STXBP5L: variants seen among roughly 807,000 people sequenced by gnomAD.
The protein encoded by STXBP5L is syntaxin-binding protein 5-like.
Under a neutral mutation model 144.5 loss-of-function variants are expected in STXBP5L, and 65 were observed. The ratio of observed to expected loss-of-function variants is 0.45; its 90% CI spans 0.37 to 0.55. The LOEUF (loss-of-function observed/expected upper bound fraction) is 0.55, where lower values mean the gene tolerates loss of function less well. Ranked by LOEUF, STXBP5L falls within the 20% of genes least tolerant of loss-of-function variation. STXBP5L has a pLI of 0.00. For synonymous variants in STXBP5L, 505 were observed against 469.6 expected, an observed-to-expected ratio of 1.08 and a Z score of -0.97; for missense variants, 1,298 against 1,405.5, an observed-to-expected ratio of 0.92 and a Z score of 1.22.
At chr3:121,057,218 G>A (rs150022831) in intron 5 of STXBP5L, among the ~76,000 whole-genome samples, 50 of 151,858 alleles carry the variant, frequency 3.3e-4, no homozygotes, top group East Asian at 1.7e-3. Flanking sequence ...TTTTGTATGC[G>A]TCAAAAAACA....
At chr3:121,373,461 G>A (rs1481721947) in intron 20 of STXBP5L, among the ~76,000 whole-genome samples, 1 of 152,160 alleles carries the variant, frequency 6.6e-6, no homozygotes, top group African/African-American at 2.4e-5. Flanking sequence ...CATTTTGAGA[G>A]CAGAGTAAAC....
chr3:121,289,918 G>A (rs907786191), intron 19 of STXBP5L, among the ~76,000 whole-genome samples: 1 of 152,120 alleles, frequency 6.6e-6, no homozygotes, highest in African/African-American at 2.4e-5. Context: ...GCAGTGCTAA[G>A]AGGAGAGTTC....
intron 3 of STXBP5L, among the ~76,000 whole-genome samples, chr3:120,983,307 G>A (rs1179579486): frequency 2.6e-5 from 4 of 152,052 alleles, no homozygotes; most frequent in Admixed American, 1.3e-4. Context: ...TATGTATATC[G>A]GGGCAGGCGT....
intron 3 of STXBP5L, among the ~76,000 whole-genome samples, chr3:120,961,325 G>A (rs189661162): frequency 2.7e-5 from 4 of 150,122 alleles, no homozygotes; most frequent in Admixed American, 2.7e-4. Flanking sequence ...TGCACAACGT[G>A]CAGGTTTGAT....
At chr3:120,926,355 TC>T in intron 2 of STXBP5L, among the ~76,000 whole-genome samples, 1 of 43,732 alleles carries the variant, frequency 2.3e-5, no homozygotes, top group Middle Eastern at 6.9e-3. Context: ...GGATGGCAGT[TC>T]TTTTTTTTTT....
At chr3:121,408,727 TTAGGACA>T (rs1321919802) in intron 23 of STXBP5L, among the ~76,000 whole-genome samples, 1 of 151,940 alleles carries the variant, frequency 6.6e-6, no homozygotes, top group Non-Finnish European at 1.5e-5. Context: ...TAGCCATGTG[TTAGGACA>T]TACACAGGGA....
At chr3:121,409,220 T>C (rs1167441688) in intron 23 of STXBP5L, among the ~76,000 whole-genome samples, 1 of 151,722 alleles carries the variant, frequency 6.6e-6, no homozygotes, top group African/African-American at 2.4e-5. Flanking sequence ...AACTTGGGGG[T>C]ATTCTACGTT....
In STXBP5L at chr3:121,257,324, C is replaced by T. The variant is rs1442432590; in HGVS notation, c.1823C>T (p.Pro608Leu). The change falls in exon 17 of 27, where the codon CCA becomes CTA. Residue 608 changes from proline (P) to leucine (L), a missense_variant. Physicochemically the swap from Pro to Leu is moderately conservative, Grantham distance 98. Coordinates refer to ENST00000471454, the MANE Select transcript of STXBP5L (RefSeq NM_001308330.2). ...ASEGVTKDSI[P>L]CLNVKTRPVR... ...GAAGGAGTAACAAAGGACAGTATTC[C>T]ATGCCTCAAGTAAGAGTTTCTACCA... 2 of 1,607,010 alleles carry T rather than the reference C, an allele frequency of 1.2e-6. No individual in the cohort carries two copies. The highest frequency in any genetic ancestry group is 8.5e-7 in the Non-Finnish European group (1 of 1,176,408).
intron 20 of STXBP5L, among the ~76,000 whole-genome samples, chr3:121,346,784 C>A (rs1171662988): frequency 6.6e-6 from 1 of 152,146 alleles, no homozygotes; most frequent in East Asian, 1.9e-4. Flanking sequence ...CCTTTGCCCA[C>A]TTTTTGATGG....
At chr3:120,980,333 T>C (rs1357899686) in intron 3 of STXBP5L, among the ~76,000 whole-genome samples, 2 of 152,216 alleles carry the variant, frequency 1.3e-5, no homozygotes, top group African/African-American at 2.4e-5. Flanking sequence ...AATCCCCCAC[T>C]ATTATTGTTT....
At chr3:121,311,621 A>G (rs2043532410) in intron 19 of STXBP5L, among the ~76,000 whole-genome samples, 1 of 152,218 alleles carries the variant, frequency 6.6e-6, no homozygotes, top group South Asian at 2.1e-4. Context: ...AATACTTAGG[A>G]ATCCAACTTA....
intron 20 of STXBP5L, among the ~76,000 whole-genome samples, chr3:121,320,416 C>T (rs571193749): frequency 1.1e-4 from 17 of 151,796 alleles, no homozygotes; most frequent in South Asian, 8.3e-4. Context: ...GGATTATCTA[C>T]GTATCTAAGT....
At chr3:121,321,649 C>T (rs1187838823) in intron 20 of STXBP5L, among the ~76,000 whole-genome samples, 1 of 152,192 alleles carries the variant, frequency 6.6e-6, no homozygotes, top group African/African-American at 2.4e-5. Context: ...TTGAGAATCA[C>T]TGCCCTATGA....
intron 3 of STXBP5L, among the ~76,000 whole-genome samples, chr3:120,984,820 C>T (rs1280500474): frequency 2.0e-5 from 3 of 151,560 alleles, no homozygotes; most frequent in African/African-American, 7.3e-5. Context: ...TAGCCTTTAT[C>T]GTGTTGAGTT....
chr3:121,389,119 G>A (rs1292257565), intron 22 of STXBP5L, among the ~76,000 whole-genome samples: 7 of 152,286 alleles, frequency 4.6e-5, no homozygotes, highest in African/African-American at 1.4e-4. Context: ...TTAGTCTTGG[G>A]AGGGTGTATG....
At chr3:121,330,776 C>T (rs982268252) in intron 20 of STXBP5L, among the ~76,000 whole-genome samples, 1 of 152,176 alleles carries the variant, frequency 6.6e-6, no homozygotes, top group East Asian at 1.9e-4. Context: ...ACCAACATTG[C>T]CTGCATCACC....
intron 22 of STXBP5L, among the ~76,000 whole-genome samples, chr3:121,390,377 G>T (rs1171013960): frequency 6.6e-6 from 1 of 152,078 alleles, no homozygotes; most frequent in Non-Finnish European, 1.5e-5. Flanking sequence ...GGGGCATTTA[G>T]CTCATTTACA....
At chr3:121,005,348 T>G (rs1944193418) in intron 3 of STXBP5L, among the ~76,000 whole-genome samples, 1 of 152,238 alleles carries the variant, frequency 6.6e-6, no homozygotes, top group Admixed American at 6.5e-5. Context: ...TAGTGGTGTT[T>G]ATAGTATTCT....
chr3:120,990,623 AAAAC>A (rs1218204228), intron 3 of STXBP5L, among the ~76,000 whole-genome samples: 1 of 152,138 alleles, frequency 6.6e-6, no homozygotes, highest in Non-Finnish European at 1.5e-5. Flanking sequence ...TACTGGTACC[AAAAC>A]AGAGATATAG....
Sources: gnomAD v4.1 joint callset for allele counts (sites outside exome capture counted in the v4.1 genomes callset) on GRCh38, gnomAD v4.1.1 for gene constraint, MANE v1.5 for transcripts, NCBI Gene and HGNC (gene_info 2026-07-23, HGNC 2026-07-21) for gene names.